The following PDZRN3 variants were observed in gnomAD, a reference collection of about 807,000 sequenced individuals.
The protein encoded by PDZRN3 is E3 ubiquitin-protein ligase PDZRN3.
PDZRN3 carries 38 observed loss-of-function variants against 85.7 expected under a neutral mutation model. The ratio of observed to expected loss-of-function variants is 0.44; its 90% CI spans 0.34 to 0.58. The LOEUF (loss-of-function observed/expected upper bound fraction) is 0.58. Ranked by LOEUF, PDZRN3 falls within the 20% of genes least tolerant of loss-of-function variation. PDZRN3 has a pLI of 0.01. For missense variants in PDZRN3, 1,629 were observed against 1,506.4 expected (o/e 1.08, Z -1.35); for synonymous variants, 759 against 638.0 (o/e 1.19, Z -2.86).
At chr3:73,552,205 T>C (rs1287563018) in intron 3 of PDZRN3, among the ~76,000 whole-genome samples, 1 of 149,570 alleles carries the variant, frequency 6.7e-6, no homozygotes, top group African/African-American at 2.5e-5. Flanking sequence ...GCCTCTTAGG[T>C]TTCACGTGGG....
intron 3 of PDZRN3, among the ~76,000 whole-genome samples, chr3:73,579,508 T>A (rs542432705): frequency 1.6e-3 from 241 of 152,356 alleles, no homozygotes; most frequent in Admixed American, 2.9e-3. Context: ...CACTGTTTTA[T>A]TATTTACAGA....
At chr3:73,548,001 C>G (rs1460558737) in intron 3 of PDZRN3, among the ~76,000 whole-genome samples, 1 of 152,160 alleles carries the variant, frequency 6.6e-6, no homozygotes, top group Non-Finnish European at 1.5e-5. Context: ...GATTTCATTT[C>G]CTTCATAATA....
chr3:73,600,655 C>G (rs913995643), intron 3 of PDZRN3, among the ~76,000 whole-genome samples: 2 of 152,098 alleles, frequency 1.3e-5, no homozygotes, highest in African/African-American at 2.4e-5. Context: ...CATCCTTTGC[C>G]AAGAGAAAAT....
chr3:73,400,188 G>A (rs1701720971), intron 5 of PDZRN3, among the ~76,000 whole-genome samples: 2 of 152,146 alleles, frequency 1.3e-5, no homozygotes, highest in Admixed American at 1.3e-4. Context: ...CAAAAATGCT[G>A]TTATATTTTT....
intron 5 of PDZRN3, among the ~76,000 whole-genome samples, chr3:73,393,245 T>A (rs530301346): frequency 6.6e-6 from 1 of 152,014 alleles, no homozygotes; most frequent in African/African-American, 2.4e-5. Context: ...ACAAGAAATG[T>A]TGATAATTCA....
intron 3 of PDZRN3, among the ~76,000 whole-genome samples, chr3:73,543,534 C>A (rs1022316067): frequency 6.6e-6 from 1 of 152,242 alleles, no homozygotes; most frequent in Non-Finnish European, 1.5e-5. Context: ...ATTTGGTGCT[C>A]TCTCTTTCTC....
At chr3:73,469,330 C>T (rs566986026) in intron 3 of PDZRN3, among the ~76,000 whole-genome samples, 40 of 152,270 alleles carry the variant, frequency 2.6e-4, no homozygotes, top group Admixed American at 1.2e-3. Context: ...CTCAGCCTCC[C>T]GAAGTGCTGG....
intron 3 of PDZRN3, among the ~76,000 whole-genome samples, chr3:73,405,486 ATAT>A (rs1217195431): frequency 6.6e-6 from 1 of 152,172 alleles, no homozygotes; most frequent in Non-Finnish European, 1.5e-5. Flanking sequence ...CAATATTTTA[ATAT>A]TATAGTATTC....
intron 3 of PDZRN3, among the ~76,000 whole-genome samples, chr3:73,544,880 T>C (rs956755235): frequency 6.6e-6 from 1 of 152,218 alleles, no homozygotes; most frequent in Non-Finnish European, 1.5e-5. Flanking sequence ...GATTTCAGAA[T>C]GTGTGAGATT....
At chr3:73,452,939 C>T (rs1702896325) in intron 3 of PDZRN3, among the ~76,000 whole-genome samples, 1 of 151,188 alleles carries the variant, frequency 6.6e-6, no homozygotes, top group Non-Finnish European at 1.5e-5. Flanking sequence ...CTGTCAAACA[C>T]ACATGTTCTC....
At chr3:73,423,145 C>T (rs1274973866) in intron 3 of PDZRN3, among the ~76,000 whole-genome samples, 1 of 152,206 alleles carries the variant, frequency 6.6e-6, no homozygotes, top group Non-Finnish European at 1.5e-5. Flanking sequence ...TGCTGCTTTT[C>T]ATCTCCCGCT....
chr3:73,414,401 C>T (rs1382542005), intron 3 of PDZRN3, among the ~76,000 whole-genome samples: 2 of 152,142 alleles, frequency 1.3e-5, no homozygotes, highest in African/African-American at 4.8e-5. Context: ...TTTAGTGTAA[C>T]CTACAAAGAG....
chr3:73,563,351 T>G (rs928976751), intron 3 of PDZRN3, among the ~76,000 whole-genome samples: 12 of 151,850 alleles, frequency 7.9e-5, no homozygotes, highest in Admixed American at 5.9e-4. Flanking sequence ...TTATATTTTC[T>G]ATTTAAAAAA....
intron 3 of PDZRN3, among the ~76,000 whole-genome samples, chr3:73,415,826 A>G (rs994602482): frequency 1.3e-5 from 2 of 152,188 alleles, no homozygotes; most frequent in African/African-American, 4.8e-5. Context: ...ACACCTGTAC[A>G]TATGTGTAAT....
chr3:73,554,189 A>C (rs1334561775), intron 3 of PDZRN3, among the ~76,000 whole-genome samples: 2 of 152,130 alleles, frequency 1.3e-5, no homozygotes, highest in East Asian at 3.9e-4. Flanking sequence ...TATTTTTACA[A>C]TCTTATATAT....
intron 3 of PDZRN3, among the ~76,000 whole-genome samples, chr3:73,511,858 G>A (rs1575700659): frequency 6.6e-6 from 1 of 152,164 alleles, no homozygotes; most frequent in African/African-American, 2.4e-5. Context: ...TTACATGAAC[G>A]GCTTCCAACC....
chr3:73,533,377 T>C (rs139765833), intron 3 of PDZRN3, among the ~76,000 whole-genome samples: 1 of 152,266 alleles, frequency 6.6e-6, no homozygotes, highest in East Asian at 1.9e-4. Flanking sequence ...TCTACCTCTA[T>C]CCACTTACTC....
At position 73,409,885 on chromosome 3, in the gene PDZRN3, G is replaced by A. The variant is rs1701930966; in HGVS notation, c.919-5490C>T. On this transcript the variant is annotated intron_variant, in intron 3 of 9. Coordinates refer to ENST00000263666, the MANE Select transcript of PDZRN3 (RefSeq NM_015009.3). Reference sequence around the variant, plus strand: ...AGAAACTAAGTACCTATTTATGGGGGACATTTGCTTTCTGAGGTTCAGCAT... The same window carrying A: ...AGAAACTAAGTACCTATTTATGGGGAACATTTGCTTTCTGAGGTTCAGCAT... 2.0e-5 allele frequency among the ~76,000 whole-genome samples: 3 copies of A among 152,250 alleles called. 1 individual carries two copies. In the South Asian group the frequency reaches 6.2e-4, roughly 32 times the overall value.
At chr3:73,550,198 T>C (rs528426862) in intron 3 of PDZRN3, among the ~76,000 whole-genome samples, 7 of 152,318 alleles carry the variant, frequency 4.6e-5, no homozygotes, top group Admixed American at 4.6e-4. Context: ...TAGCAACAGC[T>C]GAATCATCCG....
Sources: allele counts gnomAD v4.1 joint callset (sites outside exome capture counted in the v4.1 genomes callset), GRCh38; gene constraint gnomAD v4.1.1; transcripts MANE v1.5; gene names NCBI Gene and HGNC (gene_info 2026-07-23, HGNC 2026-07-21).